Variants in TMEM117 observed in about 807,000 individuals in gnomAD.
The protein encoded by TMEM117 is transmembrane protein 117.
Under a neutral mutation model 52.4 loss-of-function variants are expected in TMEM117, and 27 were observed. That is an observed-to-expected ratio of 0.51 (90% CI 0.38 to 0.71). The LOEUF is 0.71. Ranked by LOEUF, TMEM117 falls within the 30% of genes least tolerant of loss-of-function variation. TMEM117 has a pLI of 0.00. For synonymous variants in TMEM117, 215 were observed against 206.3 expected, an observed-to-expected ratio of 1.04 and a Z score of -0.36; for missense variants, 556 against 630.5, an observed-to-expected ratio of 0.88 and a Z score of 1.26.
At chr12:43,889,539 C>A (rs1411488895) in intron 2 of TMEM117, among the ~76,000 whole-genome samples, 1 of 152,212 alleles carries the variant, frequency 6.6e-6, no homozygotes, top group Non-Finnish European at 1.5e-5. Context: ...GCTGCGCAGT[C>A]CAGTTCCTAA....
At chr12:43,958,932 G>C (rs907664922) in intron 3 of TMEM117, among the ~76,000 whole-genome samples, 1 of 151,906 alleles carries the variant, frequency 6.6e-6, no homozygotes, top group Non-Finnish European at 1.5e-5. Context: ...TCAGCCTCCC[G>C]AGTAGCTGGG....
chr12:44,381,021 G>A (rs1952012682), intron 7 of TMEM117, among the ~76,000 whole-genome samples: 1 of 152,074 alleles, frequency 6.6e-6, no homozygotes, highest in Non-Finnish European at 1.5e-5. Context: ...CTGATTCCAA[G>A]CTAGTTTTAT....
intron 7 of TMEM117, among the ~76,000 whole-genome samples, chr12:44,384,047 C>T (rs1023392038): frequency 2.0e-5 from 3 of 152,080 alleles, no homozygotes; most frequent in Non-Finnish European, 4.4e-5. Flanking sequence ...TAGACAAGAA[C>T]ACAGGGGTTG....
chr12:43,928,397 G>T (rs1944815799), intron 2 of TMEM117, among the ~76,000 whole-genome samples: 2 of 151,768 alleles, frequency 1.3e-5, no homozygotes, highest in Admixed American at 6.6e-5. Flanking sequence ...CTGGAATTAG[G>T]TTCATTCTCC....
At chr12:44,017,094 C>T (rs533441258) in intron 3 of TMEM117, among the ~76,000 whole-genome samples, 1 of 152,132 alleles carries the variant, frequency 6.6e-6, no homozygotes, top group South Asian at 2.1e-4. Context: ...GGTATGATTA[C>T]TTTGATTTTT....
chr12:44,020,539 A>G (rs1225037087), intron 3 of TMEM117, among the ~76,000 whole-genome samples: 1 of 152,206 alleles, frequency 6.6e-6, no homozygotes, highest in Non-Finnish European at 1.5e-5. Flanking sequence ...CTTCCCTAAC[A>G]TTATCATTTG....
At chr12:44,050,890 G>A (rs1466114093) in intron 3 of TMEM117, among the ~76,000 whole-genome samples, 1 of 152,182 alleles carries the variant, frequency 6.6e-6, no homozygotes, top group Non-Finnish European at 1.5e-5. Context: ...GGGCAATATC[G>A]CCCATGTCCT....
chr12:44,268,382 G>T (rs75744618), intron 5 of TMEM117, among the ~76,000 whole-genome samples: 2,678 of 152,042 alleles, frequency 0.018, 62 homozygotes, highest in East Asian at 0.056. Context: ...GACCTCAGGT[G>T]ATCCACCCGC....
At chr12:44,230,074 G>C (rs1042914506) in intron 5 of TMEM117, among the ~76,000 whole-genome samples, 3 of 152,006 alleles carry the variant, frequency 2.0e-5, no homozygotes, top group African/African-American at 4.8e-5. Flanking sequence ...CCTGAGTCAA[G>C]CCCCTATTAT....
At chr12:43,864,973 G>A (rs1357031594) in intron 2 of TMEM117, among the ~76,000 whole-genome samples, 2 of 151,874 alleles carry the variant, frequency 1.3e-5, no homozygotes, top group South Asian at 2.1e-4. Flanking sequence ...TTCCAGACCC[G>A]CCACCTTAAG....
chr12:43,806,059 C>G, the TMEM117 span: 419 of 1,518,798 alleles, frequency 2.8e-4, no homozygotes, highest in Non-Finnish European at 3.4e-4. Flanking sequence ...CGGCAGCGCC[C>G]GGGAAGCAGG....
chr12:44,174,795 A>G (rs1363195913), intron 4 of TMEM117, among the ~76,000 whole-genome samples: 1 of 152,200 alleles, frequency 6.6e-6, no homozygotes, highest in East Asian at 1.9e-4. Context: ...ATCTAGTGAG[A>G]TTATCACACA....
At chr12:44,330,467 T>G (rs1308946657) in intron 6 of TMEM117, among the ~76,000 whole-genome samples, 2 of 152,000 alleles carry the variant, frequency 1.3e-5, no homozygotes, top group African/African-American at 4.8e-5. Context: ...AACATCTTTA[T>G]TTAACCCAAT....
chr12:43,942,425 T>C (rs530504450), intron 2 of TMEM117, among the ~76,000 whole-genome samples: 124 of 152,324 alleles, frequency 8.1e-4, no homozygotes, highest in Non-Finnish European at 1.6e-3. Context: ...TTTTCATAAT[T>C]ATTGATTAAA....
At chr12:44,162,486 A>G (rs1330486363) in intron 4 of TMEM117, among the ~76,000 whole-genome samples, 1 of 152,154 alleles carries the variant, frequency 6.6e-6, no homozygotes, top group African/African-American at 2.4e-5. Context: ...TTAGCCCTTC[A>G]TGCTCTGACC....
intron 4 of TMEM117, among the ~76,000 whole-genome samples, chr12:44,182,771 A>G (rs1220699452): frequency 1.3e-5 from 2 of 152,176 alleles, no homozygotes; most frequent in Non-Finnish European, 2.9e-5. Context: ...CAGGTACCTC[A>G]TAGCTTAGTT....
intron 6 of TMEM117, among the ~76,000 whole-genome samples, chr12:44,348,117 G>A (rs1043051662): frequency 3.3e-5 from 5 of 151,990 alleles, no homozygotes; most frequent in African/African-American, 1.2e-4. Flanking sequence ...GGATGTGAAA[G>A]TTTTATCACA....
chr12:44,099,551 G>A (rs1592515142), intron 3 of TMEM117, among the ~76,000 whole-genome samples: 1 of 151,916 alleles, frequency 6.6e-6, no homozygotes, highest in Non-Finnish European at 1.5e-5. Context: ...CAAACTTTTG[G>A]TTTAGCAGTA....
the TMEM117 span, among the ~76,000 whole-genome samples, chr12:43,803,150 T>C: frequency 0.41 from 62,864 of 151,978 alleles, 13,579 homozygotes; most frequent in East Asian, 0.59. Context: ...TAACATTCTG[T>C]TCAGATTTAA....
Sources: allele counts gnomAD v4.1 joint callset (sites outside exome capture counted in the v4.1 genomes callset), GRCh38; gene constraint gnomAD v4.1.1; transcripts MANE v1.5; gene names NCBI Gene and HGNC (gene_info 2026-07-23, HGNC 2026-07-21).